Variants in TPM4 observed in about 807,000 individuals in gnomAD.
The protein encoded by TPM4 is tropomyosin alpha-4 chain.
Under a neutral mutation model 35.8 loss-of-function variants are expected in TPM4, and 17 were observed. That is an observed-to-expected ratio of 0.47 (90% confidence interval 0.32 to 0.71). The LOEUF is 0.71. Among genes scored for constraint, TPM4 ranks in the 30% least tolerant of loss-of-function variants. The pLI, the probability that TPM4 is intolerant of heterozygous loss-of-function variation, is 0.03. For missense variants in TPM4, 240 were observed against 320.9 expected, an observed-to-expected ratio of 0.75 and a Z score of 1.93; for synonymous variants, 120 against 122.9, an observed-to-expected ratio of 0.98 and a Z score of 0.15.
chr19:16,101,546 A>C lies in TPM4; in HGVS notation c.*200A>C. 2.2e-6 allele frequency: 1 copy of C among 445,040 alleles called. No individual in the cohort carries two copies. The highest frequency in any genetic ancestry group is 4.1e-5 in the Admixed American group (1 of 24,386). 27.6% of individuals were successfully genotyped at this position (445,040 alleles called of 1,614,324 possible). On this transcript the variant is annotated 3_prime_UTR_variant, in exon 8 of 8. Transcript: ENST00000643579. ...CTCATTCCTTCCCTTTTTTTTTCAAATGGCACCAGCTTTTTCAGCTCTCTT... is the reference window on the plus strand; with the variant it reads ...CTCATTCCTTCCCTTTTTTTTTCAACTGGCACCAGCTTTTTCAGCTCTCTT...
chr19:16,101,524 A>C lies in TPM4; in HGVS notation c.*178A>C. 3 of 453,938 alleles carry C rather than the reference A, an allele frequency of 6.6e-6. No individual in the cohort carries two copies. The highest frequency in any genetic ancestry group is 8.0e-6 in the Non-Finnish European group (2 of 251,092). 28.1% of individuals were successfully genotyped at this position (453,938 alleles called of 1,614,324 possible). A position where few individuals can be genotyped will look rare whatever the true frequency, so the allele number is the denominator to read the frequency against. On this transcript the variant is annotated 3_prime_UTR_variant, in exon 8 of 8. Transcript: ENST00000643579. ...AAGCTTTGAGCACCAGTTAAATCTC[A>C]TTCCTTCCCTTTTTTTTTCAAATGG...
rs927323157 is a variant in TPM4, at chr19:16,070,580, C to T, written c.114+2842C>T. Among the ~76,000 whole-genome samples the T allele has an allele frequency of 6.6e-6, 1 of 152,198 alleles. No homozygotes were observed. The highest frequency in any genetic ancestry group is 1.5e-5 in the Non-Finnish European group (1 of 68,032). Reference sequence around the variant, plus strand: ...GCTCAGTCGCTAGGTGTCCCGGACGCCTGCATGAGTGAGATACGGAAGTGA... The same window carrying T: ...GCTCAGTCGCTAGGTGTCCCGGACGTCTGCATGAGTGAGATACGGAAGTGA... On this transcript the variant is annotated intron_variant, in intron 2 of 2. Coordinates refer to the TPM4 transcript ENST00000589897. This position sits in a 1 kb window ranked among gnomAD's most constrained non-coding sequence, Gnocchi z 7.4.
At chr19:16,080,976 G>A (rs963820546) in intron 1 of TPM4, 4 of 398,424 alleles carry the variant, frequency 1.0e-5, no homozygotes, top group Admixed American at 4.4e-5. Context: ...CTGCAACCAA[G>A]TTTTCTTTCC....
chr19:16,080,529 G>A (rs141810399), intron 1 of TPM4: 160 of 190,786 alleles, frequency 8.4e-4, no homozygotes, highest in African/African-American at 3.3e-3. Context: ...GACAAAGCAC[G>A]GTCGGGCGCA....
At chr19:16,081,758 G>C in intron 1 of TPM4, 155 bp from the exon 2 acceptor site, 1 of 999,896 alleles carries the variant, frequency 1.0e-6, no homozygotes, top group Non-Finnish European at 1.4e-6. Flanking sequence ...AGATCATACT[G>C]AAATTTTGGT....
At chr19:16,086,043 T>C (rs948055878) in intron 2 of TPM4, among the ~76,000 whole-genome samples, 4 of 130,254 alleles carry the variant, frequency 3.1e-5, no homozygotes, top group African/African-American at 1.2e-4. Flanking sequence ...CACTCCAGCC[T>C]GGGTGACAGA....
chr19:16,089,244 T>C, intron 5 of TPM4, 124 bp downstream of exon 5: 1 of 1,285,780 alleles, frequency 7.8e-7, no homozygotes, highest in Non-Finnish European at 1.1e-6. Context: ...CGTTGGTGCC[T>C]GGCAGCCAGG....
At chr19:16,097,488 G>T (rs958202589) in intron 7 of TPM4, among the ~76,000 whole-genome samples, 1 of 151,940 alleles carries the variant, frequency 6.6e-6, no homozygotes, top group Non-Finnish European at 1.5e-5. Context: ...TGGCCAGGCT[G>T]GTTTTGAACC....
chr19:16,090,375 C>T (rs1161503913), intron 5 of TPM4, among the ~76,000 whole-genome samples: 2 of 151,852 alleles, frequency 1.3e-5, no homozygotes, highest in Non-Finnish European at 2.9e-5. Context: ...ACCTTAGCCT[C>T]CCAAAGTGCT....
At chr19:16,097,929 G>A (rs751043667) in intron 7 of TPM4, among the ~76,000 whole-genome samples, 29 of 151,810 alleles carry the variant, frequency 1.9e-4, no homozygotes, top group Admixed American at 6.6e-4. Context: ...CCTAACTGCC[G>A]TCCATCCTGA....
At chr19:16,088,722 T>A in intron 4 of TPM4, 1 of 1,113,622 alleles carries the variant, frequency 9.0e-7, no homozygotes, top group Non-Finnish European at 1.1e-6. Flanking sequence ...GTCCCATTCT[T>A]ACACCTTCCG....
chr19:16,095,332 A>G, intron 7 of TPM4: 1 of 1,039,128 alleles, frequency 9.6e-7, no homozygotes, highest in Non-Finnish European at 1.2e-6. Flanking sequence ...TCTCAACGAC[A>G]TGACCTCTCT....
At chr19:16,100,957 G>A (rs552805527) in intron 7 of TPM4, 121 of 214,500 alleles carry the variant, frequency 5.6e-4, no homozygotes, top group Middle Eastern at 2.0e-3. Flanking sequence ...ATCACTTGAG[G>A]TCAAGAGCTC....
At chr19:16,092,468 A>G (rs566722262) in intron 5 of TPM4, among the ~76,000 whole-genome samples, 79 of 151,750 alleles carry the variant, frequency 5.2e-4, no homozygotes, top group African/African-American at 1.9e-3. Flanking sequence ...ACTCTCCCCA[A>G]CATCCTCCAC....
rs558494479 is a variant in TPM4 at position 16,080,294 on chromosome 19, T to C, written c.133-1619T>C. On this transcript the variant is annotated intron_variant, in intron 1 of 7. Coordinates refer to ENST00000643579, the MANE Select transcript of TPM4 (RefSeq NM_003290.3). The stretch of plus-strand genomic sequence containing the variant: ...CACTTCCCCCAGTGGGGCCCCTCGG[T>C]TTCTTCACCTGTAAAATGGGTGCGA... 8 of 208,262 alleles carry C rather than the reference T, an allele frequency of 3.8e-5. 1 individual carries two copies. The highest frequency in any genetic ancestry group is 6.9e-5 in the Non-Finnish European group (7 of 102,138). The allele number at this position is 208,262 out of a possible 1,614,324, so 12.9% of individuals were successfully genotyped here.
At chr19:16,090,967 T>C (rs2090619511) in intron 5 of TPM4, among the ~76,000 whole-genome samples, 1 of 151,822 alleles carries the variant, frequency 6.6e-6, no homozygotes, top group Non-Finnish European at 1.5e-5. Flanking sequence ...CTAGGATGTG[T>C]AAGGAATGAA....
chr19:16,079,223 A>G (rs2090451289), intron 1 of TPM4, among the ~76,000 whole-genome samples: 1 of 152,220 alleles, frequency 6.6e-6, no homozygotes, highest in Non-Finnish European at 1.5e-5. Flanking sequence ...CTTAAAAGAC[A>G]ACTCATGAAT....
chr19:16,087,115 AAATAAT>A lies in TPM4; in HGVS notation c.384+588_384+593del, dbSNP rs1044115820. ...CAACATAGTGAGACCCCATTTCTAA[AAATAAT>A]AATAATAATAATTAGCTGGGTGTGG... On this transcript the variant is annotated intron_variant, in intron 3 of 7. Transcript: ENST00000643579. Among the ~76,000 whole-genome samples the A allele has an allele frequency of 1.1e-4, 16 of 151,976 alleles. No individual in the cohort carries two copies. In the East Asian group the frequency reaches 2.3e-3, roughly 22 times the overall value.
intron 5 of TPM4, among the ~76,000 whole-genome samples, chr19:16,091,369 G>GA (rs1461460226): frequency 2.0e-5 from 3 of 152,146 alleles, no homozygotes; most frequent in African/African-American, 4.8e-5. Flanking sequence ...TGCTCTTGAA[G>GA]AGCTCAGAGT....
Sources: gnomAD v4.1 joint callset for allele counts (sites outside exome capture counted in the v4.1 genomes callset) on GRCh38, gnomAD v4.1.1 for gene constraint, Gnocchi (gnomAD v3.1) non-coding constraint, MANE v1.5 for transcripts, NCBI Gene and HGNC (gene_info 2026-07-23, HGNC 2026-07-21) for gene names.